Variants in UXS1 observed in about 807,000 individuals in gnomAD.
UXS1 encodes the protein UDP-glucuronate decarboxylase 1, also known as UDP-glucuronic acid decarboxylase 1.
A neutral mutation model predicts 62.6 loss-of-function variants in UXS1; 33 were observed. That is an observed-to-expected ratio of 0.53 (90% CI 0.40 to 0.70). The LOEUF (loss-of-function observed/expected upper bound fraction) is 0.70. UXS1 is among the 30% of genes least tolerant of loss of function. The probability of loss-of-function intolerance (pLI) is 0.00; values close to 1 mark genes in which losing one functional copy is unlikely to be tolerated. For synonymous variants in UXS1, 213 were observed against 206.8 expected (o/e 1.03, Z -0.26); for missense variants, 434 against 556.3 (o/e 0.78, Z 2.21).
chr2:106,154,158 T>C (rs1013763637), intron 5 of UXS1, among the ~76,000 whole-genome samples: 2 of 152,142 alleles, frequency 1.3e-5, no homozygotes, highest in Admixed American at 6.5e-5. Flanking sequence ...AAAGAAATAA[T>C]GGCTGAAAAC....
intron 14 of UXS1, among the ~76,000 whole-genome samples, chr2:106,096,415 G>C (rs1677111949): frequency 6.6e-6 from 1 of 152,186 alleles, no homozygotes; most frequent in African/African-American, 2.4e-5. Flanking sequence ...GTATATGTGT[G>C]TACAAGTGTT....
chr2:106,156,652 C>T (rs1466600346), intron 5 of UXS1, among the ~76,000 whole-genome samples: 1 of 152,128 alleles, frequency 6.6e-6, no homozygotes, highest in African/African-American at 2.4e-5. Context: ...CACACACATC[C>T]GCCTGTATAC....
At chr2:106,112,868 T>G in intron 9 of UXS1, 103 bp from the exon 10 acceptor site, 2 of 1,463,204 alleles carry the variant, frequency 1.4e-6, no homozygotes, top group Non-Finnish European at 1.8e-6. Context: ...GGAAACGTTC[T>G]GCTTTCCATT....
intron 9 of UXS1, among the ~76,000 whole-genome samples, chr2:106,116,879 T>G (rs550372615): frequency 6.6e-6 from 1 of 152,226 alleles, no homozygotes; most frequent in Non-Finnish European, 1.5e-5. Flanking sequence ...GACCTGGTTA[T>G]GTCTGACCTT....
At chr2:106,104,954 G>T in intron 10 of UXS1, 117 bp from the exon 11 acceptor site, 5 of 1,246,028 alleles carry the variant, frequency 4.0e-6, no homozygotes, top group Non-Finnish European at 5.9e-6. Flanking sequence ...GGGCAGTGAT[G>T]CTGACTCAAA....
At chr2:106,130,330 A>G (rs1336782342) in intron 6 of UXS1, among the ~76,000 whole-genome samples, 2 of 152,158 alleles carry the variant, frequency 1.3e-5, no homozygotes, top group Non-Finnish European at 2.9e-5. Context: ...CCCCTCCTGG[A>G]AAGGCATTCA....
chr2:106,142,188 T>C (rs1400063641), intron 6 of UXS1, among the ~76,000 whole-genome samples: 1 of 152,226 alleles, frequency 6.6e-6, no homozygotes, highest in South Asian at 2.1e-4. Flanking sequence ...CTCAACAGTT[T>C]ATAGAAAGAT....
chr2:106,139,402 C>G (rs1680918937), intron 6 of UXS1, among the ~76,000 whole-genome samples: 1 of 152,184 alleles, frequency 6.6e-6, no homozygotes. Flanking sequence ...GAGGGCACAG[C>G]TGCGACTTAC....
intron 12 of UXS1, among the ~76,000 whole-genome samples, chr2:106,100,032 C>T (rs1451117911): frequency 1.3e-5 from 2 of 152,214 alleles, no homozygotes; most frequent in Non-Finnish European, 2.9e-5. Context: ...AAATAGGTCA[C>T]ATGGCCAACA....
chr2:106,128,074 G>T (rs181883462), intron 7 of UXS1, among the ~76,000 whole-genome samples: 2 of 152,118 alleles, frequency 1.3e-5, no homozygotes, highest in Non-Finnish European at 2.9e-5. Context: ...TGCATCCCCC[G>T]AGTAGGAAGA....
At chr2:106,130,198 C>T (rs1680322463) in intron 6 of UXS1, among the ~76,000 whole-genome samples, 2 of 151,912 alleles carry the variant, frequency 1.3e-5, no homozygotes, top group Admixed American at 1.3e-4. Flanking sequence ...GAGAAAGTAG[C>T]CTCTCGTTTG....
chr2:106,131,172 C>T (rs1263939742), intron 6 of UXS1, among the ~76,000 whole-genome samples: 1 of 149,962 alleles, frequency 6.7e-6, no homozygotes, highest in East Asian at 2.0e-4. Flanking sequence ...CGGGTCACTC[C>T]CACCCGAATA....
rs1683193118 is a variant in UXS1, at chr2:106,166,099, A to C, written c.95-16T>G. On this transcript the variant is annotated splice_polypyrimidine_tract_variant and intron_variant, in intron 1 of 14. Transcript: ENST00000283148. ...CCCCAAACAGCTGTAAGAGAAAGAA[A>C]AAAGGAAGTCAATGTTTAAGTCCAC... The C allele has an allele frequency of 6.2e-7, 1 of 1,609,496 alleles. No homozygotes were observed. The highest frequency in any genetic ancestry group is 2.2e-5 in the East Asian group (1 of 44,788).
chr2:106,189,565 C>T (rs1449964325), intron 1 of UXS1, among the ~76,000 whole-genome samples: 1 of 152,122 alleles, frequency 6.6e-6, no homozygotes, highest in African/African-American at 2.4e-5. Flanking sequence ...AGGCCACTGG[C>T]ACAACAACCA....
chr2:106,118,474 C>G (rs1014025278), intron 9 of UXS1, among the ~76,000 whole-genome samples: 10 of 152,160 alleles, frequency 6.6e-5, no homozygotes, highest in African/African-American at 2.4e-4. Flanking sequence ...CAAATGCACA[C>G]TAAGCACTGA....
At chr2:106,188,837 C>T (rs1023851362) in intron 1 of UXS1, among the ~76,000 whole-genome samples, 1 of 152,146 alleles carries the variant, frequency 6.6e-6, no homozygotes, top group Admixed American at 6.5e-5. Flanking sequence ...GGAAAGAGAT[C>T]CTTCAGTAAA....
At chr2:106,189,168 GA>G (rs1684764815) in intron 1 of UXS1, among the ~76,000 whole-genome samples, 1 of 152,118 alleles carries the variant, frequency 6.6e-6, no homozygotes, top group African/African-American at 2.4e-5. Flanking sequence ...AATAATTCAA[GA>G]AAATTCCCAT....
chr2:106,174,479 CAG>C (rs2105086840), intron 1 of UXS1, among the ~76,000 whole-genome samples: 1 of 152,308 alleles, frequency 6.6e-6, no homozygotes, highest in African/African-American at 2.4e-5. Flanking sequence ...ATAGTTGGGG[CAG>C]AGGAGGATGG....
At chr2:106,101,182 A>ATT (rs1677565004) in intron 11 of UXS1, 64 bp from the exon 12 acceptor site, 2 of 1,530,170 alleles carry the variant, frequency 1.3e-6, no homozygotes, top group South Asian at 2.5e-5. Context: ...CACGCACCAC[A>ATT]TAGAAGCCCT....
Sources: allele counts gnomAD v4.1 joint callset (sites outside exome capture counted in the v4.1 genomes callset), GRCh38; gene constraint gnomAD v4.1.1; transcripts MANE v1.5; gene names NCBI Gene and HGNC (gene_info 2026-07-23, HGNC 2026-07-21).